GMDS: variants seen among roughly 807,000 people sequenced by gnomAD.
The protein encoded by GMDS is GDP-mannose 4,6-dehydratase, also known as GDP-mannose 4,6 dehydratase.
GMDS carries 20 observed loss-of-function variants against 49.9 expected under a neutral mutation model. The observed-to-expected ratio is 0.40, with a 90% CI of 0.28 to 0.58. The LOEUF (loss-of-function observed/expected upper bound fraction) is 0.58. GMDS is among the 20% of genes least tolerant of loss of function. The pLI is 0.42. For synonymous variants in GMDS, 177 were observed against 178.6 expected (o/e 0.99, Z 0.07); for missense variants, 362 against 481.4 (o/e 0.75, Z 2.32).
chr6:2,200,574 G>C (rs1477920766), intron 1 of GMDS, among the ~76,000 whole-genome samples: 10 of 136,552 alleles, frequency 7.3e-5, no homozygotes, highest in Admixed American at 1.5e-4. Context: ...GCACCACATG[G>C]ACATCCGAGA....
Position 2,245,357 on chromosome 6 carries a change from G to T in GMDS, c.66C>A (p.Pro22=). 1 of 1,553,184 alleles carries T rather than the reference G, an allele frequency of 6.4e-7. No homozygotes were observed. The part of the protein sequence containing the change: ...RGSGDGEMGK[P]RNVALITGIT... ...TACCGGTGATGAGCGCCACGTTCCT[G>T]GGCTTGCCCATCTCGCCGTCCCCGG... is the stretch of plus-strand genomic sequence containing the variant. Residue 22 remains proline, a synonymous_variant, in exon 1 of 11, where the codon CCC becomes CCA. Transcript: ENST00000380815.
At chr6:1,911,689 T>C (rs1406877279) in intron 7 of GMDS, among the ~76,000 whole-genome samples, 3 of 152,188 alleles carry the variant, frequency 2.0e-5, no homozygotes, top group African/African-American at 7.2e-5. Context: ...CACACACATA[T>C]AATAACGGCA....
chr6:1,960,356 A>G (rs1763870121), intron 5 of GMDS, among the ~76,000 whole-genome samples: 1 of 146,652 alleles, frequency 6.8e-6, no homozygotes, highest in Non-Finnish European at 1.5e-5. Flanking sequence ...CCTTACAAAC[A>G]TATTAGACAC....
chr6:1,895,388 T>G (rs989733934), intron 7 of GMDS, among the ~76,000 whole-genome samples: 2 of 152,218 alleles, frequency 1.3e-5, no homozygotes, highest in African/African-American at 2.4e-5. Context: ...AGCTATCATG[T>G]GTAGTGGGGT....
chr6:2,069,211 C>T lies in GMDS; in HGVS notation c.345+46560G>A, dbSNP rs528371111. 5.1e-4 allele frequency among the ~76,000 whole-genome samples: 78 copies of T among 152,172 alleles called. 1 individual carries two copies. The highest frequency in any genetic ancestry group is 1.7e-3 in the African/African-American group (72 of 41,498). ...AATGGTGCTGGGAAAACTGGCTAGC[C>T]CTATGTAGAAAGCTGAAACTGGATC... On this transcript the variant is annotated intron_variant, in intron 4 of 10. Coordinates refer to ENST00000380815, the MANE Select transcript of GMDS (RefSeq NM_001500.4).
intron 4 of GMDS, among the ~76,000 whole-genome samples, chr6:2,072,256 T>A (rs1347808586): frequency 6.6e-6 from 1 of 152,200 alleles, no homozygotes; most frequent in Non-Finnish European, 1.5e-5. Context: ...AGTAAAATGT[T>A]CAAAATTCTA....
intron 4 of GMDS, among the ~76,000 whole-genome samples, chr6:2,070,684 T>C (rs1305424929): frequency 1.3e-5 from 2 of 152,146 alleles, no homozygotes; most frequent in Non-Finnish European, 2.9e-5. Flanking sequence ...GAAGCTTTCT[T>C]CAGTCCCAGT....
chr6:1,648,891 G>A (rs905893844), intron 9 of GMDS, among the ~76,000 whole-genome samples: 1 of 152,118 alleles, frequency 6.6e-6, no homozygotes, highest in African/African-American at 2.4e-5. Flanking sequence ...ACAGTCTTCC[G>A]AGAGCTCTTA....
intron 4 of GMDS, among the ~76,000 whole-genome samples, chr6:2,073,712 C>A (rs1002853097): frequency 6.6e-6 from 1 of 152,208 alleles, no homozygotes; most frequent in Non-Finnish European, 1.5e-5. Flanking sequence ...CTACTCTTTA[C>A]TGCCACAAGG....
chr6:1,629,574 G>T (rs1239081103), intron 9 of GMDS, among the ~76,000 whole-genome samples: 1 of 152,150 alleles, frequency 6.6e-6, no homozygotes, highest in Non-Finnish European at 1.5e-5. Flanking sequence ...CCATGGCCTC[G>T]TCCGTGGCCA....
chr6:1,817,166 C>T (rs1770708153), intron 7 of GMDS, among the ~76,000 whole-genome samples: 1 of 151,230 alleles, frequency 6.6e-6, no homozygotes, highest in South Asian at 2.1e-4. Flanking sequence ...TGATAGATTG[C>T]AATCTAGAAC....
chr6:2,064,698 G>C (rs1236053166), intron 4 of GMDS, among the ~76,000 whole-genome samples: 1 of 152,176 alleles, frequency 6.6e-6, no homozygotes, highest in Non-Finnish European at 1.5e-5. Flanking sequence ...TGATGTTGAG[G>C]TGAGGGCAGC....
intron 8 of GMDS, among the ~76,000 whole-genome samples, chr6:1,732,659 G>C (rs1275557978): frequency 6.6e-6 from 1 of 152,194 alleles, no homozygotes; most frequent in Non-Finnish European, 1.5e-5. Context: ...AAATAAGACA[G>C]TGTACCACAG....
intron 9 of GMDS, among the ~76,000 whole-genome samples, chr6:1,687,288 C>T (rs1474846795): frequency 6.6e-6 from 1 of 152,218 alleles, no homozygotes; most frequent in Non-Finnish European, 1.5e-5. Flanking sequence ...CACCTGCTAC[C>T]TAGACTCTCC....
chr6:2,041,289 T>C (rs1000661024), intron 4 of GMDS, among the ~76,000 whole-genome samples: 1 of 152,174 alleles, frequency 6.6e-6, no homozygotes, highest in African/African-American at 2.4e-5. Flanking sequence ...GCAGTACTTG[T>C]TATAGGTATG....
At chr6:2,208,939 G>T (rs1055497564) in intron 1 of GMDS, among the ~76,000 whole-genome samples, 6 of 151,098 alleles carry the variant, frequency 4.0e-5, no homozygotes, top group African/African-American at 7.3e-5. Context: ...AAGCTGTCCT[G>T]TCCAAGCATA....
At chr6:1,877,308 T>C (rs538245493) in intron 7 of GMDS, among the ~76,000 whole-genome samples, 37 of 151,818 alleles carry the variant, frequency 2.4e-4, no homozygotes, top group African/African-American at 8.5e-4. Flanking sequence ...ACCTTAGATA[T>C]CCATTAAAAA....
chr6:2,036,805 T>C (rs1769333880), intron 4 of GMDS, among the ~76,000 whole-genome samples: 1 of 152,238 alleles, frequency 6.6e-6, no homozygotes, highest in African/African-American at 2.4e-5. Context: ...GCCTATGGCA[T>C]GCTGATATGT....
At chr6:2,150,666 A>T (rs1376474757) in intron 1 of GMDS, among the ~76,000 whole-genome samples, 1 of 152,244 alleles carries the variant, frequency 6.6e-6, no homozygotes, top group African/African-American at 2.4e-5. Flanking sequence ...TCAGATTAAG[A>T]ATCCACAACA....
Sources: allele counts gnomAD v4.1 joint callset (sites outside exome capture counted in the v4.1 genomes callset), GRCh38; gene constraint gnomAD v4.1.1; transcripts MANE v1.5; gene names NCBI Gene and HGNC (gene_info 2026-07-23, HGNC 2026-07-21).